Variants in LRCH1 observed in about 807,000 individuals in gnomAD.
The protein encoded by LRCH1 is leucine rich repeats and calponin homology domain containing 1, also known as leucine-rich repeat and calponin homology domain-containing protein 1.
Under a neutral mutation model 94.9 loss-of-function variants are expected in LRCH1, and 23 were observed. The observed-to-expected ratio is 0.24, with a 90% confidence interval of 0.17 to 0.34. The LOEUF is 0.34. LRCH1 is among the 10% of genes least tolerant of loss of function. LRCH1 has a pLI of 1.00. For missense variants in LRCH1, 790 were observed against 945.9 expected (o/e 0.84, Z 2.16); for synonymous variants, 364 against 354.9 (o/e 1.03, Z -0.29).
At chr13:46,670,438 T>TAA (rs1239271524) in intron 3 of LRCH1, among the ~76,000 whole-genome samples, 2 of 152,140 alleles carry the variant, frequency 1.3e-5, no homozygotes, top group African/African-American at 2.4e-5. Flanking sequence ...TGCCCAAGTT[T>TAA]AAATGTTCTC....
chr13:46,638,000 T>C (rs929429978), intron 1 of LRCH1, among the ~76,000 whole-genome samples: 1 of 152,224 alleles, frequency 6.6e-6, no homozygotes, highest in African/African-American at 2.4e-5. Context: ...TCATTTGAAA[T>C]TTCAAGTTCT....
chr13:46,670,418 C>T (rs946742580), intron 3 of LRCH1, among the ~76,000 whole-genome samples: 10 of 152,304 alleles, frequency 6.6e-5, no homozygotes, highest in East Asian at 3.9e-4. Flanking sequence ...TTCCATACAA[C>T]GGCAGAGGTT....
chr13:46,692,966 C>CT (rs556715797), intron 8 of LRCH1, among the ~76,000 whole-genome samples: 2,706 of 128,152 alleles, frequency 0.021, 68 homozygotes, highest in East Asian at 0.07. Context: ...AGATAAAATT[C>CT]TTTTTTTTTT....
intron 1 of LRCH1, among the ~76,000 whole-genome samples, chr13:46,570,551 T>G (rs1206043050): frequency 6.6e-6 from 1 of 152,248 alleles, no homozygotes; most frequent in Non-Finnish European, 1.5e-5. Context: ...GAGGACACTT[T>G]ATTTCTTTTT....
In LRCH1 at chr13:46,553,242, C is replaced by CCCAAA; in HGVS notation, c.-155_-154insCCAAA. 1 of 568,656 alleles carries CCCAAA rather than the reference C, an allele frequency of 1.8e-6. No homozygotes were observed. 35.2% of individuals were successfully genotyped at this position (568,656 alleles called of 1,614,324 possible). On this transcript the variant is annotated 5_prime_UTR_variant, in exon 1 of 20. Transcript: ENST00000389797. ...CACGGCCGCCTCCCCGCCCGCCCCC[C>CCCAAA]ATTCTACGCGCCTGCCCACACCCTC...
intron 17 of LRCH1, among the ~76,000 whole-genome samples, chr13:46,725,605 T>C (rs573875670): frequency 4.6e-5 from 7 of 152,204 alleles, no homozygotes; most frequent in Non-Finnish European, 8.8e-5. Flanking sequence ...GTGAGCCCTA[T>C]AAACAAAATT....
chr13:46,650,239 T>C lies in LRCH1; in HGVS notation c.346T>C (p.Leu116=), dbSNP rs749949643. ...KNRLVEVPME[L]CHFVSLEILN... ...CAGACTGGTTGAAGTTCCAATGGAA[T>C]TGTGCCATTTTGTATCACTGGAAAT... Residue 116 remains leucine, a synonymous_variant, in exon 2 of 20, where the codon TTG becomes CTG. Transcript: ENST00000389797. 8 of 1,612,594 alleles carry C rather than the reference T, an allele frequency of 5.0e-6. No homozygotes were observed. The highest frequency in any genetic ancestry group is 1.7e-5 in the Admixed American group (1 of 59,894).
intron 2 of LRCH1, among the ~76,000 whole-genome samples, chr13:46,661,020 C>A (rs1388103479): frequency 6.6e-6 from 1 of 152,152 alleles, no homozygotes; most frequent in East Asian, 1.9e-4. Context: ...TTATCTTTGA[C>A]CCCTTTCCTC....
chr13:46,705,206 T>C (rs777758877), intron 12 of LRCH1, 49 bp downstream of exon 12: 23 of 1,591,362 alleles, frequency 1.4e-5, no homozygotes, highest in South Asian at 2.3e-5. Context: ...TCATAATACA[T>C]TGACATTTCT....
At chr13:46,617,904 T>C (rs1238712954) in intron 1 of LRCH1, among the ~76,000 whole-genome samples, 1 of 152,194 alleles carries the variant, frequency 6.6e-6, no homozygotes, top group Non-Finnish European at 1.5e-5. Flanking sequence ...TTTGAGAATT[T>C]GCTGAGCACT....
chr13:46,671,914 G>T (rs9645995), intron 3 of LRCH1, among the ~76,000 whole-genome samples: 8,953 of 152,096 alleles, frequency 0.059, 388 homozygotes, highest in East Asian at 0.21. Context: ...GAACCTATCC[G>T]GACACATCAA....
chr13:46,664,137 A>C (rs1476101115), intron 2 of LRCH1, among the ~76,000 whole-genome samples: 1 of 152,218 alleles, frequency 6.6e-6, no homozygotes, highest in African/African-American at 2.4e-5. Context: ...TGTCTGAGCT[A>C]TCTCTTTATT....
At position 46,652,067 on chromosome 13, in the gene LRCH1, T is replaced by TG. The variant is rs1014357815; in HGVS notation, c.452+1722_452+1723insG. 9.9e-4 allele frequency among the ~76,000 whole-genome samples: 123 copies of TG among 124,220 alleles called. 17 individuals are homozygous for TG. Among genetic ancestry groups the TG allele is most frequent in the Non-Finnish European group, 1.6e-3 (92 of 56,556 alleles). 81.5% of individuals were successfully genotyped at this position (124,220 alleles called of 152,430 possible). ...CAGGCCTGCTGATGTTTTTTTTTTTTTTTTTTTTGTTTTGTTTTGTTTGTT... is the reference window on the plus strand; with the variant it reads ...CAGGCCTGCTGATGTTTTTTTTTTTTGTTTTTTTTGTTTTGTTTTGTTTGTT... On this transcript the variant is annotated intron_variant, in intron 2 of 19. Transcript: ENST00000389797.
At chr13:46,623,877 T>A (rs2050913367) in intron 1 of LRCH1, among the ~76,000 whole-genome samples, 1 of 120,862 alleles carries the variant, frequency 8.3e-6, no homozygotes, top group Admixed American at 9.7e-5. Flanking sequence ...ATCTCTGTTT[T>A]TTATTATTTA....
intron 2 of LRCH1, among the ~76,000 whole-genome samples, chr13:46,653,689 G>C (rs1030524133): frequency 5.9e-5 from 9 of 151,976 alleles, no homozygotes; most frequent in African/African-American, 2.2e-4. Context: ...AAAGTAGCCG[G>C]GCGTGGTGGC....
chr13:46,701,818 T>G (rs1288002635), intron 11 of LRCH1, among the ~76,000 whole-genome samples: 2 of 152,246 alleles, frequency 1.3e-5, no homozygotes, highest in South Asian at 2.1e-4. Flanking sequence ...GCAGGTATCA[T>G]GTATCGGGTA....
intron 19 of LRCH1, among the ~76,000 whole-genome samples, chr13:46,738,611 T>C (rs796361215): frequency 1.6e-4 from 24 of 152,342 alleles, no homozygotes; most frequent in African/African-American, 5.3e-4. Context: ...CTGAGCCTTA[T>C]ACCTATTTTT....
chr13:46,657,158 A>G (rs1442245932), intron 2 of LRCH1, among the ~76,000 whole-genome samples: 2 of 63,742 alleles, frequency 3.1e-5, no homozygotes, highest in African/African-American at 4.8e-5. Flanking sequence ...TCCTAATTCA[A>G]TTGTATTTTT....
At chr13:46,727,924 T>TC (rs1555288187) in intron 17 of LRCH1, among the ~76,000 whole-genome samples, 75,079 of 146,286 alleles carry the variant, frequency 0.51, 21,770 homozygotes, top group Non-Finnish European at 0.66. Context: ...TTTCTTTCTT[T>TC]TTTTTTTTTT....
Sources: gnomAD v4.1 joint callset for allele counts (sites outside exome capture counted in the v4.1 genomes callset) on GRCh38, gnomAD v4.1.1 for gene constraint, MANE v1.5 for transcripts, NCBI Gene and HGNC (gene_info 2026-07-23, HGNC 2026-07-21) for gene names.